GADL1: variants seen among roughly 807,000 people sequenced by gnomAD.
GADL1 encodes the protein GAD like acidic amino acid decarboxylase 1.
In GADL1, 71 loss-of-function variants were observed where a neutral mutation model predicts 69.5. The observed-to-expected ratio is 1.02, with a 90% CI of 0.84 to 1.25. The LOEUF is 1.25. Among genes scored for constraint, GADL1 ranks in the 50% most tolerant of loss-of-function variants. The probability of loss-of-function intolerance (pLI) is 0.00; values close to 1 mark genes in which losing one functional copy is unlikely to be tolerated. For synonymous variants in GADL1, 254 were observed against 214.4 expected, an observed-to-expected ratio of 1.18 and a Z score of -1.62; for missense variants, 737 against 631.8, an observed-to-expected ratio of 1.17 and a Z score of -1.79.
chr3:30,740,633 A>G (rs1357450265), intron 14 of GADL1, among the ~76,000 whole-genome samples: 1 of 151,894 alleles, frequency 6.6e-6, no homozygotes, highest in African/African-American at 2.4e-5. Context: ...CCAGGTAATC[A>G]CTATTCAACT....
chr3:30,811,208 G>C (rs755106943), intron 11 of GADL1, among the ~76,000 whole-genome samples: 2 of 152,076 alleles, frequency 1.3e-5, no homozygotes, highest in Non-Finnish European at 2.9e-5. Flanking sequence ...CCTAACTAAG[G>C]GTTAGAATGA....
intron 14 of GADL1, among the ~76,000 whole-genome samples, chr3:30,740,844 T>C (rs1011777282): frequency 6.7e-5 from 10 of 149,370 alleles, no homozygotes; most frequent in Admixed American, 5.4e-4. Context: ...AGTTATCTGC[T>C]TTTAACTTTG....
intron 11 of GADL1, among the ~76,000 whole-genome samples, chr3:30,809,112 A>G (rs1697310037): frequency 6.6e-6 from 1 of 152,168 alleles, no homozygotes; most frequent in African/African-American, 2.4e-5. Flanking sequence ...ATATTTCTGC[A>G]TTTTGCTGTA....
chr3:30,870,036 C>T (rs1221832165), intron 1 of GADL1, among the ~76,000 whole-genome samples: 1 of 151,744 alleles, frequency 6.6e-6, no homozygotes, highest in Non-Finnish European at 1.5e-5. Context: ...CTCCATTCAT[C>T]CAATCAGCAA....
intron 1 of GADL1, among the ~76,000 whole-genome samples, chr3:30,888,358 G>A (rs973769638): frequency 6.6e-6 from 1 of 152,150 alleles, no homozygotes; most frequent in Non-Finnish European, 1.5e-5. Context: ...GGTGTTCTAT[G>A]TGTGCATACC....
chr3:30,761,730 A>G (rs987864737), intron 14 of GADL1, among the ~76,000 whole-genome samples: 5 of 152,100 alleles, frequency 3.3e-5, no homozygotes, highest in African/African-American at 1.2e-4. Context: ...ACAAAGTAAC[A>G]TCATTAGACC....
chr3:30,800,663 G>A (rs1476921179), intron 12 of GADL1: 2 of 551,150 alleles, frequency 3.6e-6, no homozygotes, highest in South Asian at 2.0e-5. Context: ...GGAGGTGATA[G>A]GACTGCTCTG....
intron 14 of GADL1, among the ~76,000 whole-genome samples, chr3:30,739,370 C>A (rs1032851215): frequency 2.6e-5 from 4 of 152,116 alleles, no homozygotes; most frequent in Non-Finnish European, 5.9e-5. Context: ...CCTGCCCCCA[C>A]CTGCCTGTGC....
chr3:30,835,130 G>C (rs1697852985), intron 9 of GADL1, among the ~76,000 whole-genome samples: 1 of 152,042 alleles, frequency 6.6e-6, no homozygotes, highest in South Asian at 2.1e-4. Context: ...ATAAAGTTCA[G>C]AGGTGTTCAG....
chr3:30,858,631 A>G (rs1698267924), intron 2 of GADL1, among the ~76,000 whole-genome samples: 1 of 151,912 alleles, frequency 6.6e-6, no homozygotes, highest in Non-Finnish European at 1.5e-5. Context: ...CAGGAGAAGG[A>G]TCTGGTTGGG....
At chr3:30,866,450 C>T (rs901633111) in intron 1 of GADL1, among the ~76,000 whole-genome samples, 12 of 152,076 alleles carry the variant, frequency 7.9e-5, no homozygotes, top group African/African-American at 2.7e-4. Context: ...AAGAGTGAGA[C>T]CGTGTCTCAA....
At chr3:30,743,643 C>T (rs1217628517) in intron 14 of GADL1, among the ~76,000 whole-genome samples, 2 of 152,186 alleles carry the variant, frequency 1.3e-5, no homozygotes, top group Non-Finnish European at 2.9e-5. Context: ...TCACAACACA[C>T]TCTGATTCCC....
chr3:30,760,842 C>CA (rs1054277593), intron 14 of GADL1, among the ~76,000 whole-genome samples: 2 of 152,024 alleles, frequency 1.3e-5, no homozygotes, highest in Non-Finnish European at 2.9e-5. Flanking sequence ...TGTGGAGCCT[C>CA]AAATATACTG....
intron 1 of GADL1, among the ~76,000 whole-genome samples, chr3:30,886,992 A>G (rs967920570): frequency 2.6e-5 from 4 of 152,070 alleles, no homozygotes; most frequent in South Asian, 2.1e-4. Flanking sequence ...CTTCACCACT[A>G]CTCTGGGAGG....
Position 30,875,027 on chromosome 3 carries a change from T to TCTATGTA in GADL1, c.38-13269_38-13263dup, listed in dbSNP as rs537490315. Among the ~76,000 whole-genome samples the TCTATGTA allele has an allele frequency of 1.8e-3, 280 of 151,994 alleles. 2 individuals are homozygous for TCTATGTA. Among genetic ancestry groups the TCTATGTA allele is most frequent in the African/African-American group, 6.6e-3 (275 of 41,498 alleles). On this transcript the variant is annotated intron_variant, in intron 1 of 14. Coordinates refer to ENST00000282538, the MANE Select transcript of GADL1 (RefSeq NM_207359.3). ...AGGAAGATTGAGATGGCTGGGTCTT[T>TCTATGTA]CTATGTAGGCTTTTATTATCAAAGA...
chr3:30,767,047 T>C (rs1696298393), intron 14 of GADL1, among the ~76,000 whole-genome samples: 2 of 152,232 alleles, frequency 1.3e-5, no homozygotes, highest in Admixed American at 1.3e-4. Context: ...CAGGCACTAT[T>C]CTAAGCACTT....
intron 11 of GADL1, among the ~76,000 whole-genome samples, chr3:30,810,009 C>T (rs1697322034): frequency 1.3e-5 from 2 of 152,292 alleles, no homozygotes; most frequent in Admixed American, 1.3e-4. Flanking sequence ...TTTGCTGATA[C>T]ATGAGGTGCT....
Position 30,815,055 on chromosome 3 carries a change from C to T in GADL1, c.1051-13967G>A, listed in dbSNP as rs144087920. 7.2e-4 allele frequency among the ~76,000 whole-genome samples: 109 copies of T among 152,068 alleles called. No homozygotes were observed. In the East Asian group the frequency reaches 0.021, roughly 29 times the overall value. ...TTAGCCACTAAAAGAGATACTTAAA[C>T]TGGGAGATAAAATGGCCATGGTTTA... On this transcript the variant is annotated intron_variant, in intron 11 of 14. Transcript: ENST00000282538.
At chr3:30,872,545 T>G (rs28395481) in intron 1 of GADL1, among the ~76,000 whole-genome samples, 1 of 151,940 alleles carries the variant, frequency 6.6e-6, no homozygotes, top group African/African-American at 2.4e-5. Context: ...TTTAGTTTGC[T>G]TGTTTACTTG....
Sources: allele counts gnomAD v4.1 joint callset (sites outside exome capture counted in the v4.1 genomes callset), GRCh38; gene constraint gnomAD v4.1.1; transcripts MANE v1.5; gene names NCBI Gene and HGNC (gene_info 2026-07-23, HGNC 2026-07-21).